The following AGAP1 variants were observed in gnomAD, a reference collection of about 807,000 sequenced individuals.
AGAP1 encodes arf-GAP with GTPase, ANK repeat and PH domain-containing protein 1.
AGAP1 carries 29 observed loss-of-function variants against 105.3 expected under a neutral mutation model. The ratio of observed to expected loss-of-function variants is 0.28; its 90% CI spans 0.21 to 0.38. The LOEUF (loss-of-function observed/expected upper bound fraction) is 0.38, where lower values mean the gene tolerates loss of function less well. AGAP1 is among the 10% of genes least tolerant of loss of function. The probability of loss-of-function intolerance (pLI) is 1.00; values close to 1 mark genes in which losing one functional copy is unlikely to be tolerated. For synonymous variants in AGAP1, 509 were observed against 485.9 expected, an observed-to-expected ratio of 1.05 and a Z score of -0.63; for missense variants, 998 against 1,165.1, an observed-to-expected ratio of 0.86 and a Z score of 2.09.
rs1289366394 is a variant in AGAP1 at position 236,130,822 on chromosome 2, C to T, written c.*6700C>T. ...CAGGGTAGGAGAACAGAGAAGGCTC[C>T]AAGGGTGTTGGGAGTGAGCCAGGGG... On this transcript the variant is annotated 3_prime_UTR_variant, in exon 18 of 18. Transcript: ENST00000304032. The surrounding 1 kb of genome is among the most constrained non-coding windows in gnomAD (Gnocchi z 5.8). 1 of 152,448 alleles carries T rather than the reference C, an allele frequency of 6.6e-6. No individual in the cohort carries two copies. Among genetic ancestry groups the T allele is most frequent in the African/African-American group, 2.4e-5 (1 of 41,440 alleles). The allele number at this position is 152,448 out of a possible 1,614,324, so 9.4% of individuals were successfully genotyped here. A position where few individuals can be genotyped will look rare whatever the true frequency, so the allele number is the denominator to read the frequency against.
Position 236,061,715 on chromosome 2 carries a change from A to G in AGAP1, c.2114+12434A>G, listed in dbSNP as rs955967260. Among the ~76,000 whole-genome samples, 28 of 152,144 alleles carry G rather than the reference A, an allele frequency of 1.8e-4. No homozygotes were observed. The highest frequency in any genetic ancestry group is 1.4e-3 in the East Asian group (7 of 5,160). On this transcript the variant is annotated intron_variant, in intron 16 of 17. Coordinates refer to ENST00000304032, the MANE Select transcript of AGAP1 (RefSeq NM_001037131.3). The surrounding 1 kb of genome is among the most constrained non-coding windows in gnomAD (Gnocchi z 4.1). ...GCAGGGGAGGGAGGGGCAGTGGCGTATACGGAGTGATTGCCTAATGAGTAC... is the reference window on the plus strand; with the variant it reads ...GCAGGGGAGGGAGGGGCAGTGGCGTGTACGGAGTGATTGCCTAATGAGTAC...
intron 9 of AGAP1, 123 bp downstream of exon 9, chr2:235,807,454 T>A (rs1957895067): frequency 1.3e-6 from 1 of 773,986 alleles, no homozygotes; most frequent in Non-Finnish European, 2.0e-6. Context: ...TGTAGAAGTC[T>A]CTCACTTGAC....
At chr2:235,495,976 A>G (rs1236055390) in intron 1 of AGAP1, among the ~76,000 whole-genome samples, 2 of 152,256 alleles carry the variant, frequency 1.3e-5, no homozygotes, top group East Asian at 3.8e-4. Flanking sequence ...TGTGCCTGAA[A>G]GCCTGGTGCT....
At chr2:235,942,019 C>A (rs550258753) in intron 12 of AGAP1, among the ~76,000 whole-genome samples, 1 of 152,306 alleles carries the variant, frequency 6.6e-6, no homozygotes, top group African/African-American at 2.4e-5. Flanking sequence ...TCCCATCCTC[C>A]CTGCACTCCT....
At chr2:235,826,512 C>T (rs190947290) in intron 9 of AGAP1, among the ~76,000 whole-genome samples, 197 of 152,098 alleles carry the variant, frequency 1.3e-3, no homozygotes, top group Admixed American at 9.2e-4. Context: ...TGCAGTGGCA[C>T]GATCTCGGCT....
intron 6 of AGAP1, among the ~76,000 whole-genome samples, chr2:235,784,828 C>G (rs528238825): frequency 6.6e-6 from 1 of 152,070 alleles, no homozygotes; most frequent in Non-Finnish European, 1.5e-5. Flanking sequence ...AGGAACTTCA[C>G]GTATCAGAAA....
At chr2:236,007,412 C>T (rs1163239004) in intron 13 of AGAP1, among the ~76,000 whole-genome samples, 1 of 152,182 alleles carries the variant, frequency 6.6e-6, no homozygotes, top group Non-Finnish European at 1.5e-5. Context: ...ACAAAGATGG[C>T]AGATCAAATA....
At chr2:235,790,272 C>G (rs963384356) in intron 6 of AGAP1, among the ~76,000 whole-genome samples, 1 of 152,144 alleles carries the variant, frequency 6.6e-6, no homozygotes, top group African/African-American at 2.4e-5. Context: ...ATTTTGGTAG[C>G]TTAGAATCAT....
At chr2:235,634,970 C>T (rs1413372048) in intron 1 of AGAP1, among the ~76,000 whole-genome samples, 1 of 151,534 alleles carries the variant, frequency 6.6e-6, no homozygotes, top group African/African-American at 2.4e-5. Flanking sequence ...CTCAGCCTCC[C>T]CCCCGCTGTA....
chr2:236,042,820 T>C lies in AGAP1; in HGVS notation c.1891+1979T>C, dbSNP rs928763499. On this transcript the variant is annotated intron_variant, in intron 15 of 17. Coordinates refer to ENST00000304032, the MANE Select transcript of AGAP1 (RefSeq NM_001037131.3). This position sits in a 1 kb window ranked among gnomAD's most constrained non-coding sequence, Gnocchi z 5.6. ...AAAGGGAAAAGGCAGAGTTTGACAA[T>C]TCAGGAGAAAGAGGCGATACCAAGC... 1.3e-5 allele frequency among the ~76,000 whole-genome samples: 2 copies of C among 152,170 alleles called. No individual in the cohort carries two copies. The highest frequency in any genetic ancestry group is 2.4e-5 in the African/African-American group (1 of 41,450).
At chr2:235,681,398 C>T (rs1949066254) in intron 1 of AGAP1, among the ~76,000 whole-genome samples, 5 of 152,242 alleles carry the variant, frequency 3.3e-5, no homozygotes, top group Admixed American at 2.0e-4. Context: ...AACCTGGTGC[C>T]ATGCTAGAGC....
In AGAP1 at chr2:235,716,236, C is replaced by CG. The variant is rs1559388962; in HGVS notation, c.223-1320dup. Among the ~76,000 whole-genome samples the CG allele has an allele frequency of 6.6e-6, 1 of 152,056 alleles. No homozygotes were observed. Among genetic ancestry groups the CG allele is most frequent in the Non-Finnish European group, 1.5e-5 (1 of 68,010 alleles). ...TGGAGATGTGAGGATGGAGCCCTGG[C>CG]GAGTCCCAGTATGTCCCTGCAGATG... On this transcript the variant is annotated intron_variant, in intron 2 of 17. Coordinates refer to ENST00000304032, the MANE Select transcript of AGAP1 (RefSeq NM_001037131.3). The surrounding 1 kb of genome is among the most constrained non-coding windows in gnomAD (Gnocchi z 4.0).
At chr2:236,015,315 A>C (rs1046505670) in intron 13 of AGAP1, among the ~76,000 whole-genome samples, 1 of 152,152 alleles carries the variant, frequency 6.6e-6, no homozygotes, top group African/African-American at 2.4e-5. Flanking sequence ...GTTTTGTGGA[A>C]GCATTCTCCA....
chr2:235,974,950 G>A (rs755957940), intron 13 of AGAP1, among the ~76,000 whole-genome samples: 25 of 152,204 alleles, frequency 1.6e-4, no homozygotes, highest in Non-Finnish European at 2.5e-4. Flanking sequence ...AAACTGTAAC[G>A]AGGATGTCAG....
intron 2 of AGAP1, among the ~76,000 whole-genome samples, chr2:235,711,418 G>A (rs1433732003): frequency 6.6e-6 from 1 of 152,184 alleles, no homozygotes; most frequent in East Asian, 1.9e-4. Context: ...TGCTCTGCCG[G>A]TATTTTGAAA....
At chr2:235,629,266 CATTGTGTGTGT>C (rs1302599132) in intron 1 of AGAP1, among the ~76,000 whole-genome samples, 17 of 133,514 alleles carry the variant, frequency 1.3e-4, no homozygotes, top group Admixed American at 3.8e-4. Flanking sequence ...GAGTAGTAGT[CATTGTGTGTGT>C]GTGTGTGTGT....
In AGAP1 at chr2:235,600,730, T is replaced by C. The variant is rs1244977823; in HGVS notation, c.163+105881T>C. 3.3e-5 allele frequency among the ~76,000 whole-genome samples: 5 copies of C among 152,288 alleles called. No homozygotes were observed. The East Asian group carries it at 7.7e-4, about 24-fold the overall frequency. On this transcript the variant is annotated intron_variant, in intron 1 of 17. Coordinates refer to ENST00000304032, the MANE Select transcript of AGAP1 (RefSeq NM_001037131.3). The surrounding 1 kb of genome is among the most constrained non-coding windows in gnomAD (Gnocchi z 4.8). The stretch of plus-strand genomic sequence containing the variant: ...TTCATGTTTTTCTGCCTGCTTTATA[T>C]TTGCTGGCAGCTGATTAAATGATGC...
chr2:235,500,392 C>T (rs1048383005), intron 1 of AGAP1, among the ~76,000 whole-genome samples: 4 of 152,132 alleles, frequency 2.6e-5, no homozygotes, highest in African/African-American at 7.2e-5. Context: ...GCAGGACGCA[C>T]GAATGTGCCT....
intron 1 of AGAP1, among the ~76,000 whole-genome samples, chr2:235,616,878 G>A (rs1317984114): frequency 6.6e-6 from 1 of 152,138 alleles, no homozygotes; most frequent in East Asian, 1.9e-4. Context: ...GAGGAGGGGT[G>A]TATCTTGTAA....
Sources: allele counts gnomAD v4.1 joint callset (sites outside exome capture counted in the v4.1 genomes callset), GRCh38; gene constraint gnomAD v4.1.1; non-coding constraint Gnocchi (gnomAD v3.1); transcripts MANE v1.5; gene names NCBI Gene and HGNC (gene_info 2026-07-23, HGNC 2026-07-21).